MED12: variants seen among roughly 807,000 people sequenced by gnomAD.
MED12 encodes mediator complex subunit 12.
In MED12, 10 loss-of-function variants were observed where a neutral mutation model predicts 177.7. The observed-to-expected ratio is 0.06, with a 90% confidence interval of 0.03 to 0.10. MED12 has a LOEUF of 0.10. Among genes scored for constraint, MED12 ranks in the 10% least tolerant of loss-of-function variants. The pLI is 1.00. For synonymous variants in MED12, 641 were observed against 678.4 expected (o/e 0.94, Z 0.86); for missense variants, 867 against 1,780.8 (o/e 0.49, Z 9.23).
intron 33 of MED12, 139 bp from the exon 34 acceptor site, chrX:71,134,218 G>A (rs2092326266): frequency 1.4e-5 from 6 of 419,727 alleles, no homozygotes; most frequent in African/African-American, 5.9e-5. Context: ...GTGACAGAGC[G>A]AGACTCCGTC....
In MED12 at chrX:71,132,551, A is replaced by C. The variant is rs993419382; in HGVS notation, c.4415+13A>C. The stretch of plus-strand genomic sequence containing the variant: ...AAAAGCAGAAGAGGTAAAGGGGCTT[A>C]GGGAGTGGACCAAGATTGAGGGGTA... On this transcript the variant is annotated intron_variant, in intron 31 of 44. Transcript: ENST00000374080. The C allele has an allele frequency of 6.0e-6, 7 of 1,170,233 alleles. No individual in the cohort carries two copies. In the African/African-American group the frequency reaches 1.3e-4, roughly 21 times the overall value.
chrX:71,131,013 A>G (rs1478597744), intron 28 of MED12, among the ~76,000 whole-genome samples: 1 of 112,624 alleles, frequency 8.9e-6, no homozygotes, highest in Non-Finnish European at 1.9e-5. Flanking sequence ...TTCAAGGTTA[A>G]GCATTAAGCA....
At chrX:71,141,704 G>A (rs1478370107) in intron 43 of MED12, among the ~76,000 whole-genome samples, 179 bp from the exon 44 acceptor site, 4 of 110,976 alleles carry the variant, frequency 3.6e-5, no homozygotes, top group Non-Finnish European at 7.6e-5. Flanking sequence ...TCAAGAGGCT[G>A]AGGCAGAGAA....
intron 35 of MED12, 41 bp from the exon 36 acceptor site, chrX:71,135,051 C>G: frequency 8.3e-7 from 1 of 1,208,448 alleles, no homozygotes; most frequent in Non-Finnish European, 1.1e-6. Flanking sequence ...TCCCTGTTTT[C>G]TGTATCTCTG....
At chrX:71,122,696 C>G (rs745418910) in intron 9 of MED12, 42 bp from the exon 10 acceptor site, 1 of 1,206,806 alleles carries the variant, frequency 8.3e-7, no homozygotes, top group East Asian at 3.0e-5. Context: ...CAGAATGCAC[C>G]GGGCCTCTGG....
Position 71,126,493 on chromosome X carries a change from G to A in MED12, c.2685+9G>A. Reference sequence around the variant, plus strand: ...TCGACTTTGCCATTCAGGTGGGGAAGTTGGGGAGATGAGGGTGGAGGCAGG... The same window carrying A: ...TCGACTTTGCCATTCAGGTGGGGAAATTGGGGAGATGAGGGTGGAGGCAGG... On this transcript the variant is annotated intron_variant, in intron 19 of 44. Transcript: ENST00000374080. 1 of 1,212,094 alleles carries A rather than the reference G, an allele frequency of 8.3e-7. No individual in the cohort carries two copies. The highest frequency in any genetic ancestry group is 1.1e-6 in the Non-Finnish European group (1 of 895,454).
At chrX:71,140,995 G>T in intron 42 of MED12, 138 bp downstream of exon 42, 1 of 1,134,814 alleles carries the variant, frequency 8.8e-7, no homozygotes, top group Non-Finnish European at 1.2e-6. Context: ...TAGTGGTGCT[G>T]GAGAAGTTTT....
At chrX:71,139,175 C>G (rs1196651827) in intron 41 of MED12, among the ~76,000 whole-genome samples, 1 of 112,173 alleles carries the variant, frequency 8.9e-6, no homozygotes, top group East Asian at 2.8e-4. Flanking sequence ...CAGTTGTATG[C>G]TATGAGGTAA....
In MED12 at chrX:71,129,154, C is replaced by A. The variant is rs1057521581; in HGVS notation, c.3516C>A (p.Thr1172=). ...ACTCTGAGCCAGGGGCCCGGCTTAC[C>A]TGCCGCATCCTCCTTCACCTTTTCA... The part of the protein sequence containing the change: ...EQDSEPGARL[T]CRILLHLFKT... The change falls in exon 25 of 45, where the codon ACC becomes ACA. Residue 1172 remains threonine, a synonymous_variant. Transcript: ENST00000374080. 2 of 1,209,192 alleles carry A rather than the reference C, an allele frequency of 1.7e-6. No homozygotes were observed. Among genetic ancestry groups the A allele is most frequent in the African/African-American group, 3.5e-5 (2 of 57,070 alleles).
intron 31 of MED12, 42 bp from the exon 32 acceptor site, chrX:71,132,803 C>G (rs1266367401): frequency 5.9e-5 from 37 of 631,753 alleles, no homozygotes; most frequent in Non-Finnish European, 8.8e-5. Flanking sequence ...CTCTTCTCTT[C>G]TCTTCTCTTC....
rs2092336583 is a variant in MED12 at position 71,137,848 on chromosome X, T to C, written c.5949T>C (p.Thr1983=). ...YQSTHPSTNP[T]LVDPTRHLQQ... ...GCACCCACCCTTCTACCAATCCTAC[T>C]CTTGTAGATCCTACCCGCCACCTGC... Residue 1983 remains threonine (T), a synonymous_variant, in exon 41 of 45, where the codon ACT becomes ACC. Transcript: ENST00000374080. 8.3e-7 allele frequency: 1 copy of C among 1,209,454 alleles called. No individual in the cohort carries two copies. The highest frequency in any genetic ancestry group is 1.8e-5 in the African/African-American group (1 of 57,013).
intron 16 of MED12, 27 bp downstream of exon 16, chrX:71,125,522 C>A (rs761565785): frequency 8.3e-7 from 1 of 1,207,585 alleles, no homozygotes; most frequent in Non-Finnish European, 1.1e-6. Context: ...TTAAACAGAT[C>A]TCCCCCAAAG....
intron 36 of MED12, 116 bp from the exon 37 acceptor site, chrX:71,136,165 T>G (rs2092332088): frequency 1.1e-6 from 1 of 896,129 alleles, no homozygotes; most frequent in Non-Finnish European, 1.6e-6. Context: ...TCTGTCTGCT[T>G]CTTACCATCT....
At position 71,130,148 on chromosome X, in the gene MED12, A is replaced by T; in HGVS notation, c.3981A>T (p.Pro1327=). 1 of 1,210,214 alleles carries T rather than the reference A, an allele frequency of 8.3e-7. No homozygotes were observed. Residue 1327 remains proline (P), a synonymous_variant, in exon 28 of 45, where the codon CCA becomes CCT. Coordinates refer to ENST00000374080, the MANE Select transcript of MED12 (RefSeq NM_005120.3). The part of the protein sequence containing the change: ...AQRLMQLICY[P]HRLLDNEDGE... ...GCCTCATGCAGCTCATTTGCTATCC[A>T]CATCGACTGCTGGACAATGAGGATG... is the stretch of plus-strand genomic sequence containing the variant.
At position 71,129,710 on chromosome X, in the gene MED12, C is replaced by T. The variant is rs1259392746; in HGVS notation, c.3722C>T (p.Thr1241Ile). The T allele has an allele frequency of 1.7e-6, 2 of 1,196,687 alleles. No homozygotes were observed. The highest frequency in any genetic ancestry group is 1.8e-5 in the African/African-American group (1 of 56,813). Reference protein sequence around the residue: ...GDAELKGSGFTVTGGTEELPE... With the variant: ...GDAELKGSGFIVTGGTEELPE... ...GCGGAACTGAAAGGTTCAGGCTTCA[C>T]TGTGACAGGAGGAACAGAAGAACTT... Residue 1241 changes from threonine (T) to isoleucine (I), a missense_variant, in exon 27 of 45, where the codon ACT (threonine) becomes ATT (isoleucine). Around this residue, in one of 14 missense-constraint regions of MED12, gnomAD observed 29 missense variants for 31.3 expected, o/e 0.93. Coordinates refer to ENST00000374080, the MANE Select transcript of MED12 (RefSeq NM_005120.3).
At chrX:71,124,926 C>G (rs2092298948) in intron 14 of MED12, 50 bp from the exon 15 acceptor site, 1 of 1,196,592 alleles carries the variant, frequency 8.4e-7, no homozygotes, top group African/African-American at 1.8e-5. Context: ...TTTTTGCCCC[C>G]TCATCCACTT....
chrX:71,133,804 A>C (rs918327424), intron 33 of MED12, among the ~76,000 whole-genome samples: 1 of 111,312 alleles, frequency 9.0e-6, no homozygotes, highest in Non-Finnish European at 1.9e-5. Flanking sequence ...CTGGAAACCC[A>C]CTGTGGAATG....
rs1039763693 is a variant in MED12, at chrX:71,119,457, G to A, written c.184G>A (p.Val62Ile). The A allele has an allele frequency of 4.2e-6, 5 of 1,195,866 alleles. No homozygotes were observed. Among genetic ancestry groups the A allele is most frequent in the Admixed American group, 2.2e-5 (1 of 44,617 alleles). The change falls in exon 2 of 45, where the codon GTC becomes ATC. Residue 62 changes from valine to isoleucine, a missense_variant. Physicochemically the swap from Val to Ile is conservative, Grantham distance 29. This residue lies in a region of MED12 where 42 missense variants were observed against 129.6 expected (regional missense o/e 0.32). Coordinates refer to ENST00000374080, the MANE Select transcript of MED12 (RefSeq NM_005120.3). ...SGDEHGSAKN[V>I]SFNPAKISSN... ...GGATGAGCATGGCAGTGCCAAGAAC[G>A]TCAGCTTCAATCCTGCCAAGGTGAG...
chrX:71,124,456 C>G, intron 13 of MED12, 68 bp downstream of exon 13: 1 of 876,052 alleles, frequency 1.1e-6, no homozygotes, highest in Non-Finnish European at 1.6e-6. Context: ...TCCCAGGGGC[C>G]TCTAAGAGCC....
Sources: allele counts gnomAD v4.1 joint callset (sites outside exome capture counted in the v4.1 genomes callset), GRCh38; gene constraint gnomAD v4.1.1; regional missense constraint gnomAD v4.1.1; transcripts MANE v1.5; gene names NCBI Gene and HGNC (gene_info 2026-07-23, HGNC 2026-07-21).